SUGCT: variants seen among roughly 807,000 people sequenced by gnomAD.
The protein encoded by SUGCT is succinyl-CoA:glutarate CoA-transferase.
A neutral mutation model predicts 55.0 loss-of-function variants in SUGCT; 41 were observed. That is an observed-to-expected ratio of 0.74 (90% CI 0.58 to 0.97). The LOEUF (loss-of-function observed/expected upper bound fraction) is 0.97. Among genes scored for constraint, SUGCT ranks in the 50% least tolerant of loss-of-function variants. SUGCT has a pLI of 0.00. For missense variants in SUGCT, 568 were observed against 547.8 expected (o/e 1.04, Z -0.37); for synonymous variants, 187 against 200.4 (o/e 0.93, Z 0.56).
At chr7:40,242,242 C>T (rs563992690) in intron 7 of SUGCT, among the ~76,000 whole-genome samples, 3 of 151,326 alleles carry the variant, frequency 2.0e-5, no homozygotes, top group Non-Finnish European at 4.4e-5. Flanking sequence ...GGCACAATCT[C>T]GGCTCACTGC....
At chr7:40,563,852 G>A (rs751263198) in intron 12 of SUGCT, among the ~76,000 whole-genome samples, 1 of 152,132 alleles carries the variant, frequency 6.6e-6, no homozygotes, top group African/African-American at 2.4e-5. Context: ...AATTATTTTA[G>A]AATATGATCT....
At chr7:40,429,087 G>A (rs1160044080) in intron 9 of SUGCT, among the ~76,000 whole-genome samples, 4 of 151,084 alleles carry the variant, frequency 2.6e-5, no homozygotes, top group African/African-American at 9.7e-5. Context: ...CTATAGTGAA[G>A]CAAGTTAACA....
chr7:40,877,595 T>C, the SUGCT span, among the ~76,000 whole-genome samples: 3 of 152,240 alleles, frequency 2.0e-5, no homozygotes, highest in South Asian at 4.1e-4. Flanking sequence ...ACCAAAATGA[T>C]GGGAACTTCT....
At chr7:40,446,901 A>G (rs1458367786) in intron 9 of SUGCT, among the ~76,000 whole-genome samples, 1 of 152,218 alleles carries the variant, frequency 6.6e-6, no homozygotes, top group Admixed American at 6.5e-5. Flanking sequence ...AATGCTTGAT[A>G]TTTAGCTAGT....
chr7:40,432,513 C>T (rs1018009459), intron 9 of SUGCT, among the ~76,000 whole-genome samples: 2 of 151,792 alleles, frequency 1.3e-5, no homozygotes, highest in Admixed American at 1.3e-4. Context: ...TGGTGAAATC[C>T]CATCTCTACT....
intron 10 of SUGCT, among the ~76,000 whole-genome samples, chr7:40,452,029 T>C (rs17171712): frequency 0.041 from 6,217 of 152,240 alleles, 395 homozygotes; most frequent in African/African-American, 0.14. Flanking sequence ...CTGTGACAAA[T>C]GAATGGAATT....
chr7:40,888,912 T>C, the SUGCT span, among the ~76,000 whole-genome samples: 1 of 152,260 alleles, frequency 6.6e-6, no homozygotes, highest in Admixed American at 6.5e-5. Context: ...CCATGGCTGC[T>C]GCTCAGCTAG....
rs557469175 is a variant in SUGCT, at chr7:40,772,960, T to C, written c.1153+23463T>C. On this transcript the variant is annotated intron_variant, in intron 13 of 13. Transcript: ENST00000335693. ...GTATTCCATGAAATTCTTTATAAAA[T>C]TACTTTATAAAACAACTTCCTCACT... 3.3e-5 allele frequency among the ~76,000 whole-genome samples: 5 copies of C among 152,248 alleles called. No homozygotes were observed. The South Asian group carries it at 1.0e-3, about 32-fold the overall frequency.
At chr7:40,913,154 G>A in the SUGCT span, among the ~76,000 whole-genome samples, 1 of 151,972 alleles carries the variant, frequency 6.6e-6, no homozygotes, top group African/African-American at 2.4e-5. Context: ...GGGACTACAG[G>A]CGTGTGCCAC....
intron 13 of SUGCT, among the ~76,000 whole-genome samples, chr7:40,835,849 AT>A (rs1792939884): frequency 6.7e-6 from 1 of 150,210 alleles, no homozygotes; most frequent in South Asian, 2.1e-4. Flanking sequence ...AGTACTTTCC[AT>A]TTGGAGGAAA....
chr7:40,464,314 T>C (rs1789981341), intron 11 of SUGCT, among the ~76,000 whole-genome samples: 1 of 152,166 alleles, frequency 6.6e-6, no homozygotes, highest in Non-Finnish European at 1.5e-5. Flanking sequence ...AAAGCATTGA[T>C]TTAAGTAGAG....
the SUGCT span, among the ~76,000 whole-genome samples, chr7:41,005,349 A>T: frequency 6.6e-6 from 1 of 152,198 alleles, no homozygotes; most frequent in East Asian, 1.9e-4. Context: ...TTAGATTGGA[A>T]ACTTTCTTCC....
the SUGCT span, among the ~76,000 whole-genome samples, chr7:40,869,622 G>T: frequency 6.6e-6 from 1 of 152,164 alleles, no homozygotes; most frequent in Non-Finnish European, 1.5e-5. Context: ...CTCTAAGCTA[G>T]GAGTAATTTG....
chr7:41,008,153 G>T, the SUGCT span, among the ~76,000 whole-genome samples: 12 of 152,252 alleles, frequency 7.9e-5, no homozygotes, highest in Non-Finnish European at 1.5e-4. Flanking sequence ...GGGATGCACA[G>T]AAATCCTTTC....
At chr7:40,853,675 TC>T (rs367762526) in intron 13 of SUGCT, among the ~76,000 whole-genome samples, 35 of 152,290 alleles carry the variant, frequency 2.3e-4, no homozygotes, top group Middle Eastern at 3.4e-3. Context: ...TGATATAAGC[TC>T]TTGTACTGGT....
chr7:41,036,377 T>C, the SUGCT span, among the ~76,000 whole-genome samples: 1 of 152,228 alleles, frequency 6.6e-6, no homozygotes, highest in African/African-American at 2.4e-5. Context: ...AGCATGATAT[T>C]ACAAGACAAA....
chr7:40,339,841 G>T (rs1245354793), intron 9 of SUGCT, among the ~76,000 whole-genome samples: 1 of 152,172 alleles, frequency 6.6e-6, no homozygotes, highest in African/African-American at 2.4e-5. Context: ...CATCACTTAC[G>T]CTGGGAGCTG....
At chr7:40,196,791 G>C (rs116337684) in intron 6 of SUGCT, among the ~76,000 whole-genome samples, 3 of 152,024 alleles carry the variant, frequency 2.0e-5, no homozygotes, top group Non-Finnish European at 2.9e-5. Flanking sequence ...TCTATTCCCA[G>C]TTCCACCTGT....
the SUGCT span, among the ~76,000 whole-genome samples, chr7:40,960,650 A>G: frequency 1.5e-4 from 23 of 152,338 alleles, no homozygotes; most frequent in Admixed American, 4.6e-4. Context: ...TATATATTAC[A>G]TCATCTTGGA....
Sources: gnomAD v4.1 joint callset for allele counts (sites outside exome capture counted in the v4.1 genomes callset) on GRCh38, gnomAD v4.1.1 for gene constraint, MANE v1.5 for transcripts, NCBI Gene and HGNC (gene_info 2026-07-23, HGNC 2026-07-21) for gene names.